Variants in NPEPPS observed in about 807,000 individuals in gnomAD.
The protein encoded by NPEPPS is puromycin-sensitive aminopeptidase.
In NPEPPS, 14 loss-of-function variants were observed where a neutral mutation model predicts 115.5. The observed-to-expected ratio is 0.12, with a 90% CI of 0.08 to 0.19. NPEPPS has a LOEUF of 0.19. Ranked by LOEUF, NPEPPS falls within the 10% of genes least tolerant of loss-of-function variation. The pLI, the probability that NPEPPS is intolerant of heterozygous loss-of-function variation, is 1.00. For synonymous variants in NPEPPS, 285 were observed against 390.6 expected, an observed-to-expected ratio of 0.73 and a Z score of 3.19; for missense variants, 523 against 1,110.8, an observed-to-expected ratio of 0.47 and a Z score of 7.52.
At chr17:47,578,627 G>C (rs1260364281) in intron 3 of NPEPPS, among the ~76,000 whole-genome samples, 1 of 152,062 alleles carries the variant, frequency 6.6e-6, no homozygotes, top group Non-Finnish European at 1.5e-5. Context: ...ACATATTTAA[G>C]TTGTATTTTT....
intron 13 of NPEPPS, among the ~76,000 whole-genome samples, chr17:47,597,087 A>G (rs935515663): frequency 1.3e-5 from 2 of 152,192 alleles, no homozygotes; most frequent in African/African-American, 4.8e-5. Flanking sequence ...TATAATCACT[A>G]CATAAACAGA....
At chr17:47,542,546 CAA>C (rs397857323) in intron 1 of NPEPPS, among the ~76,000 whole-genome samples, 1,501 of 83,094 alleles carry the variant, frequency 0.018, 22 homozygotes, top group African/African-American at 0.064. Context: ...AGCTCCGTCT[CAA>C]AAAAAAAAAA....
intron 2 of NPEPPS, among the ~76,000 whole-genome samples, chr17:47,546,831 G>A (rs1167800427): frequency 6.6e-6 from 1 of 151,998 alleles, no homozygotes; most frequent in African/African-American, 2.4e-5. Context: ...ACCACACCCG[G>A]CCAAATGTCA....
rs1914672518 is a variant in NPEPPS, at chr17:47,622,868, C to A, written c.*948C>A. Reference sequence around the variant, plus strand: ...AAAAGCCAGCTCTTGAACCTCTTCACAACAGTATCAACACTGGCTTCTCCC... The same window carrying A: ...AAAAGCCAGCTCTTGAACCTCTTCAAAACAGTATCAACACTGGCTTCTCCC... On this transcript the variant is annotated 3_prime_UTR_variant, in exon 23 of 23. Coordinates refer to ENST00000322157, the MANE Select transcript of NPEPPS (RefSeq NM_006310.4). 6.6e-6 allele frequency: 3 copies of A among 455,904 alleles called. No homozygotes were observed. Among genetic ancestry groups the A allele is most frequent in the South Asian group, 4.6e-5 (3 of 64,550 alleles). The allele number at this position is 455,904 out of a possible 1,614,324, so 28.2% of individuals were successfully genotyped here.
Position 47,538,202 on chromosome 17 carries a change from C to CTTTT in NPEPPS, c.255+6667_255+6670dup, listed in dbSNP as rs543559258. ...GCCACCGCGCCTAGCCATATCTGTT[C>CTTTT]TTTTTTTTTTTTTTTTTTTTTTTGA... On this transcript the variant is annotated intron_variant, in intron 1 of 22. Transcript: ENST00000322157. Among the ~76,000 whole-genome samples, 150 of 58,498 alleles carry CTTTT rather than the reference C, an allele frequency of 2.6e-3. 11 individuals carry two copies. The highest frequency in any genetic ancestry group is 0.025 in the Middle Eastern group (1 of 40). 38.4% of individuals were successfully genotyped at this position (58,498 alleles called of 152,430 possible).
At chr17:47,523,301 C>T (rs1907292849) in intron 1 of NPEPPS, among the ~76,000 whole-genome samples, 1 of 145,724 alleles carries the variant, frequency 6.9e-6, no homozygotes, top group Non-Finnish European at 1.5e-5. Flanking sequence ...AATTCCTTTA[C>T]ATTATCTTTG....
rs571907884 is a variant in NPEPPS at position 47,547,541 on chromosome 17, T to TG, written c.340+1555dup. ...TCGTATTTGTATTTTTTTATAGATA[T>TG]GGGGGGGTGGTCTTCCTATATTGCC... On this transcript the variant is annotated intron_variant, in intron 2 of 22. Transcript: ENST00000322157. Among the ~76,000 whole-genome samples the TG allele has an allele frequency of 1.2e-3, 184 of 151,954 alleles. 1 individual carries two copies. The highest frequency in any genetic ancestry group is 4.0e-3 in the African/African-American group (164 of 41,446).
intron 13 of NPEPPS, among the ~76,000 whole-genome samples, chr17:47,597,321 A>T (rs8072100): frequency 0.53 from 80,812 of 151,928 alleles, 21,745 homozygotes; most frequent in East Asian, 0.66. Context: ...GAATTACACA[A>T]CATCCTTTAA....
intron 5 of NPEPPS, among the ~76,000 whole-genome samples, chr17:47,584,648 TAGAG>T (rs1165415000): frequency 6.6e-6 from 1 of 152,034 alleles, no homozygotes; most frequent in African/African-American, 2.4e-5. Flanking sequence ...GAAGGAAGAA[TAGAG>T]AGAGCTTGAG....
chr17:47,605,288 G>T lies in NPEPPS; in HGVS notation c.1876-45G>T, dbSNP rs1486699968. The stretch of plus-strand genomic sequence containing the variant: ...CAAAAATGCATGCTTATGTTTTTTG[G>T]TTTTGTTTGAAGACTAGGTTAATTT... On this transcript the variant is annotated intron_variant, in intron 16 of 22. Coordinates refer to ENST00000322157, the MANE Select transcript of NPEPPS (RefSeq NM_006310.4). The T allele has an allele frequency of 2.8e-6, 4 of 1,433,180 alleles. No homozygotes were observed. In the Admixed American group the frequency reaches 7.1e-5, roughly 26 times the overall value. 88.8% of individuals were successfully genotyped at this position (1,433,180 alleles called of 1,614,324 possible). A position where few individuals can be genotyped will look rare whatever the true frequency, so the allele number is the denominator to read the frequency against.
rs1172238090 is a variant in NPEPPS, at chr17:47,565,505, C to CAA, written c.341-3891_341-3890dup. Among the ~76,000 whole-genome samples the CAA allele has an allele frequency of 3.7e-3, 240 of 64,404 alleles. 3 individuals are homozygous for CAA. Among genetic ancestry groups the CAA allele is most frequent in the African/African-American group, 0.013 (192 of 15,290 alleles). The allele number at this position is 64,404 out of a possible 152,430, so 42.3% of individuals were successfully genotyped here. On this transcript the variant is annotated intron_variant, in intron 2 of 22. Transcript: ENST00000322157. The stretch of plus-strand genomic sequence containing the variant: ...TGGGCGACAGAGCAAGACTCCATCT[C>CAA]AAAAAAAAAAAAAAAAAAAAAAGGT...
chr17:47,579,653 T>C (rs1375935187), intron 4 of NPEPPS, 142 bp downstream of exon 4: 2 of 570,844 alleles, frequency 3.5e-6, no homozygotes, highest in Non-Finnish European at 6.3e-6. Context: ...TTTTATTTTA[T>C]ATTTAGCCAT....
At chr17:47,610,024 T>C (rs935182865) in intron 17 of NPEPPS, among the ~76,000 whole-genome samples, 2 of 152,184 alleles carry the variant, frequency 1.3e-5, no homozygotes, top group African/African-American at 4.8e-5. Context: ...GGATGTTAAC[T>C]TTTTTTGAGA....
At chr17:47,578,612 A>G (rs1335826135) in intron 3 of NPEPPS, among the ~76,000 whole-genome samples, 1 of 152,204 alleles carries the variant, frequency 6.6e-6, no homozygotes, top group Non-Finnish European at 1.5e-5. Flanking sequence ...ATACAACAAT[A>G]GAATACATAT....
chr17:47,540,967 A>G (rs1248868086), intron 1 of NPEPPS, among the ~76,000 whole-genome samples: 1 of 152,204 alleles, frequency 6.6e-6, no homozygotes, highest in African/African-American at 2.4e-5. Context: ...ATCCTGGAAA[A>G]AAAAAATTAG....
intron 2 of NPEPPS, among the ~76,000 whole-genome samples, chr17:47,563,672 G>T (rs1042034673): frequency 2.0e-5 from 3 of 151,742 alleles, no homozygotes; most frequent in Non-Finnish European, 4.4e-5. Flanking sequence ...CCGAGTTCAC[G>T]CCATTTTCCT....
Position 47,590,753 on chromosome 17 carries a change from G to A in NPEPPS, c.1132G>A (p.Ala378Thr), listed in dbSNP as rs1175259727. The A allele has an allele frequency of 1.9e-6, 3 of 1,600,250 alleles. No individual in the cohort carries two copies. Among genetic ancestry groups the A allele is most frequent in the African/African-American group, 1.3e-5 (1 of 74,190 alleles). ...WTHLWLNEGF[A>T]SWIEYLCVDH... Reference sequence around the variant, plus strand: ...TCATCTTTGGTTAAATGAAGGTTTTGCATCCTGGATTGAATATCTGTGTGT... The same window carrying A: ...TCATCTTTGGTTAAATGAAGGTTTTACATCCTGGATTGAATATCTGTGTGT... The change falls in exon 10 of 23, where the codon GCA (alanine) becomes ACA (threonine). Residue 378 changes from alanine to threonine, a missense_variant. Around this residue, in one of 4 missense-constraint regions of NPEPPS, gnomAD observed 144 missense variants for 512.4 expected, o/e 0.28. Transcript: ENST00000322157.
chr17:47,598,457 CAG>C (rs1377178574), intron 13 of NPEPPS, among the ~76,000 whole-genome samples: 7 of 151,928 alleles, frequency 4.6e-5, no homozygotes, highest in African/African-American at 7.3e-5. Context: ...TCCTGGGCAA[CAG>C]AGCAAGACCA....
At chr17:47,551,147 G>A (rs1473680450) in intron 2 of NPEPPS, among the ~76,000 whole-genome samples, 1 of 152,044 alleles carries the variant, frequency 6.6e-6, no homozygotes. Flanking sequence ...ACATTATATG[G>A]TGGCTGCTTA....
Sources: gnomAD v4.1 joint callset for allele counts (sites outside exome capture counted in the v4.1 genomes callset) on GRCh38, gnomAD v4.1.1 for gene constraint, gnomAD v4.1.1 regional missense constraint, MANE v1.5 for transcripts, NCBI Gene and HGNC (gene_info 2026-07-23, HGNC 2026-07-21) for gene names.